The following SNX24 variants were observed in gnomAD, a reference collection of about 807,000 sequenced individuals.
SNX24 encodes sorting nexin 24, also known as sorting nexin-24.
Under a neutral mutation model 28.7 loss-of-function variants are expected in SNX24, and 22 were observed. That is an observed-to-expected ratio of 0.77 (90% CI 0.55 to 1.10). The LOEUF is 1.10. Among genes scored for constraint, SNX24 ranks in the 50% least tolerant of loss-of-function variants. SNX24 has a pLI of 0.00. For synonymous variants in SNX24, 69 were observed against 71.5 expected, an observed-to-expected ratio of 0.96 and a Z score of 0.18; for missense variants, 221 against 201.1, an observed-to-expected ratio of 1.10 and a Z score of -0.60.
intron 3 of SNX24, among the ~76,000 whole-genome samples, chr5:122,957,589 C>A (rs1341156190): frequency 2.0e-5 from 3 of 152,108 alleles, no homozygotes; most frequent in Admixed American, 2.0e-4. Context: ...ATAGGGATTG[C>A]CTTAAATCTG....
chr5:122,935,226 A>G (rs1759131684), intron 1 of SNX24, among the ~76,000 whole-genome samples: 1 of 152,168 alleles, frequency 6.6e-6, no homozygotes, highest in African/African-American at 2.4e-5. Flanking sequence ...GATAGTAAAA[A>G]AGGGGCTCTG....
At chr5:122,888,961 C>G (rs2150068187) in intron 1 of SNX24, among the ~76,000 whole-genome samples, 1 of 152,266 alleles carries the variant, frequency 6.6e-6, no homozygotes, top group South Asian at 2.1e-4. Context: ...AAGCAATTCT[C>G]CTGCCTCAGC....
intron 1 of SNX24, among the ~76,000 whole-genome samples, chr5:122,846,624 A>G (rs1052964051): frequency 2.6e-5 from 4 of 152,210 alleles, no homozygotes; most frequent in Non-Finnish European, 4.4e-5. Flanking sequence ...TCTAAATATT[A>G]CTGGTATTTG....
At chr5:122,910,299 G>C (rs1488996494) in intron 1 of SNX24, among the ~76,000 whole-genome samples, 2 of 152,050 alleles carry the variant, frequency 1.3e-5, no homozygotes, top group Non-Finnish European at 2.9e-5. Flanking sequence ...TCTGTTCACA[G>C]CCACCCCCTT....
intron 1 of SNX24, among the ~76,000 whole-genome samples, chr5:122,870,822 A>C (rs1411925891): frequency 6.6e-6 from 1 of 152,146 alleles, no homozygotes; most frequent in African/African-American, 2.4e-5. Context: ...GAGTTTGAGA[A>C]AAAGGCTGTT....
intron 3 of SNX24, among the ~76,000 whole-genome samples, chr5:122,968,393 T>G (rs536284729): frequency 1.2e-3 from 185 of 152,328 alleles, no homozygotes; most frequent in African/African-American, 4.2e-3. Flanking sequence ...TTAGCCTGTT[T>G]AAAATGTTTC....
At chr5:123,000,097 T>A in intron 4 of SNX24, 91 bp downstream of exon 4, 1 of 883,756 alleles carries the variant, frequency 1.1e-6, no homozygotes, top group Non-Finnish European at 1.9e-6. Context: ...GATGCCCGAG[T>A]AGCCTGCCGG....
At chr5:123,022,934 A>C (rs1180446136) in intron 5 of SNX24, among the ~76,000 whole-genome samples, 1 of 152,128 alleles carries the variant, frequency 6.6e-6, no homozygotes, top group East Asian at 1.9e-4. Context: ...CTCCTGAGTA[A>C]CTGGAACTAC....
chr5:123,029,217 A>G, intron 5 of SNX24: 1 of 1,606,114 alleles, frequency 6.2e-7, no homozygotes, highest in Non-Finnish European at 8.5e-7. Flanking sequence ...TGACATACTA[A>G]TTTAATACTT....
intron 1 of SNX24, among the ~76,000 whole-genome samples, chr5:122,864,783 T>C (rs1755645326): frequency 6.6e-6 from 1 of 152,242 alleles, no homozygotes; most frequent in Admixed American, 6.5e-5. Context: ...GAGGGCAGAA[T>C]CTTGCAGCCT....
intron 1 of SNX24, among the ~76,000 whole-genome samples, chr5:122,879,300 G>A (rs1328519863): frequency 6.6e-6 from 1 of 152,182 alleles, no homozygotes; most frequent in East Asian, 1.9e-4. Flanking sequence ...ATAGGAAGGG[G>A]TCCAACTTTC....
intron 1 of SNX24, among the ~76,000 whole-genome samples, chr5:122,936,175 A>G (rs1717101276): frequency 6.6e-6 from 1 of 152,198 alleles, no homozygotes. Flanking sequence ...TCATGCAGGG[A>G]AAATGAGCCT....
At chr5:122,965,307 G>A (rs1760672852) in intron 3 of SNX24, 1 of 351,002 alleles carries the variant, frequency 2.8e-6, no homozygotes. Context: ...TCAGCCTGGA[G>A]TGCATTCATT....
At chr5:122,907,459 T>C (rs1757689310) in intron 1 of SNX24, among the ~76,000 whole-genome samples, 1 of 152,190 alleles carries the variant, frequency 6.6e-6, no homozygotes, top group South Asian at 2.1e-4. Flanking sequence ...GTTTTAGCAT[T>C]CTTTCACCTA....
At chr5:122,964,247 C>CAAAAAAAAAAAAAAA (rs34174497) in intron 3 of SNX24, among the ~76,000 whole-genome samples, 7 of 36,574 alleles carry the variant, frequency 1.9e-4, no homozygotes, top group African/African-American at 4.4e-4. Context: ...GACTCCATCT[C>CAAAAAAAAAAAAAAA]AAAAAAAAAA....
chr5:123,025,763 G>A, intron 5 of SNX24: 14 of 1,605,484 alleles, frequency 8.7e-6, no homozygotes, highest in Non-Finnish European at 1.0e-5. Context: ...GCTTTGAAAG[G>A]AAAAAAATGT....
chr5:122,852,793 C>CTT (rs1490221826), intron 1 of SNX24, among the ~76,000 whole-genome samples: 2 of 152,108 alleles, frequency 1.3e-5, no homozygotes, highest in Non-Finnish European at 2.9e-5. Context: ...TTATCTTAAC[C>CTT]AACCATCATG....
intron 3 of SNX24, among the ~76,000 whole-genome samples, chr5:122,980,756 C>A (rs1008980144): frequency 6.6e-6 from 1 of 150,926 alleles, no homozygotes; most frequent in Non-Finnish European, 1.5e-5. Context: ...CCATGCTTTG[C>A]CCCTGAAATA....
chr5:122,959,876 A>C (rs116129927), intron 3 of SNX24, among the ~76,000 whole-genome samples: 4,289 of 152,250 alleles, frequency 0.028, 74 homozygotes, highest in Middle Eastern at 0.054. Flanking sequence ...AGCTCACTCT[A>C]CATAGAGGCT....
Sources: gnomAD v4.1 joint callset for allele counts (sites outside exome capture counted in the v4.1 genomes callset) on GRCh38, gnomAD v4.1.1 for gene constraint, MANE v1.5 for transcripts, NCBI Gene and HGNC (gene_info 2026-07-23, HGNC 2026-07-21) for gene names.